ZNF385D: variants seen among roughly 807,000 people sequenced by gnomAD.
The protein encoded by ZNF385D is zinc finger protein 659.
ZNF385D carries 15 observed loss-of-function variants against 35.8 expected under a neutral mutation model. The ratio of observed to expected loss-of-function variants is 0.42; its 90% CI spans 0.28 to 0.64. The LOEUF is 0.64. ZNF385D is among the 30% of genes least tolerant of loss of function. The pLI, the probability that ZNF385D is intolerant of heterozygous loss-of-function variation, is 0.23. For synonymous variants in ZNF385D, 212 were observed against 186.8 expected, an observed-to-expected ratio of 1.13 and a Z score of -1.10; for missense variants, 474 against 494.6, an observed-to-expected ratio of 0.96 and a Z score of 0.39.
intron 3 of ZNF385D, chr3:22,133,696 A>T (rs533178364): frequency 1.4e-4 from 22 of 152,206 alleles, no homozygotes; most frequent in African/African-American, 4.3e-4. Context: ...AACTATCAGA[A>T]GACTCTGAAA....
At chr3:21,947,993 C>CT (rs762315151) in intron 3 of ZNF385D, among the ~76,000 whole-genome samples, 2 of 152,072 alleles carry the variant, frequency 1.3e-5, no homozygotes, top group African/African-American at 4.8e-5. Context: ...AAAACCCACT[C>CT]TTTATTCATT....
intron 2 of ZNF385D, among the ~76,000 whole-genome samples, chr3:21,597,250 G>C (rs1309469032): frequency 2.6e-5 from 4 of 151,702 alleles, no homozygotes; most frequent in South Asian, 4.2e-4. Flanking sequence ...TTTTCAAGTA[G>C]TATTATCATG....
chr3:21,826,040 C>T (rs899230976), intron 3 of ZNF385D, among the ~76,000 whole-genome samples: 1 of 152,114 alleles, frequency 6.6e-6, no homozygotes, highest in African/African-American at 2.4e-5. Context: ...TCCCCTCAAC[C>T]CCCCACCAGT....
intron 2 of ZNF385D, among the ~76,000 whole-genome samples, chr3:22,262,077 A>G (rs1322344031): frequency 2.0e-5 from 3 of 151,978 alleles, no homozygotes; most frequent in Non-Finnish European, 2.9e-5. Flanking sequence ...ATTCTAAAGC[A>G]TTTCATAAAT....
At chr3:21,938,869 A>T (rs991688946) in intron 3 of ZNF385D, among the ~76,000 whole-genome samples, 2 of 152,084 alleles carry the variant, frequency 1.3e-5, no homozygotes, top group Admixed American at 1.3e-4. Flanking sequence ...CTTTTACTTT[A>T]ATTTTATTCG....
chr3:21,800,987 C>G (rs984451862), intron 3 of ZNF385D, among the ~76,000 whole-genome samples: 4 of 152,082 alleles, frequency 2.6e-5, no homozygotes, highest in Non-Finnish European at 4.4e-5. Flanking sequence ...GTGAGTTTTT[C>G]TTAAATGCCC....
chr3:22,113,336 T>C (rs1702637682), intron 3 of ZNF385D, among the ~76,000 whole-genome samples: 1 of 152,166 alleles, frequency 6.6e-6, no homozygotes, highest in East Asian at 1.9e-4. Context: ...TTAGGAAAGG[T>C]TCCAGTACCT....
In ZNF385D at chr3:22,095,869, C is replaced by T. The variant is rs191682726; in HGVS notation, c.325+72948G>A. Among the ~76,000 whole-genome samples the T allele has an allele frequency of 3.7e-3, 558 of 150,722 alleles. 2 individuals are homozygous for T. The highest frequency in any genetic ancestry group is 6.9e-3 in the Non-Finnish European group (470 of 67,656). On this transcript the variant is annotated intron_variant, in intron 3 of 5. Coordinates refer to the ZNF385D transcript ENST00000494108. ...TTTTAATTCAACATATATATATATACTATGCTTAAAAATTCTTGTATCATG... is the reference window on the plus strand; with the variant it reads ...TTTTAATTCAACATATATATATATATTATGCTTAAAAATTCTTGTATCATG...
chr3:21,892,292 G>A (rs142812317), intron 3 of ZNF385D, among the ~76,000 whole-genome samples: 217 of 152,274 alleles, frequency 1.4e-3, no homozygotes, highest in African/African-American at 5.2e-3. Flanking sequence ...GCGCTACAGT[G>A]CCAGGAATAT....
chr3:21,815,492 G>T (rs187619001), intron 3 of ZNF385D, among the ~76,000 whole-genome samples: 1 of 152,154 alleles, frequency 6.6e-6, no homozygotes, highest in Non-Finnish European at 1.5e-5. Flanking sequence ...AAATGATAAA[G>T]GGGATATCAC....
intron 4 of ZNF385D, among the ~76,000 whole-genome samples, chr3:21,501,138 C>T (rs1283205223): frequency 6.6e-6 from 1 of 152,170 alleles, no homozygotes; most frequent in Non-Finnish European, 1.5e-5. Flanking sequence ...ACCGCTTCCT[C>T]CAGCCTCTAT....
At chr3:22,146,481 T>G (rs1352160297) in intron 3 of ZNF385D, among the ~76,000 whole-genome samples, 2 of 152,186 alleles carry the variant, frequency 1.3e-5, no homozygotes, top group African/African-American at 4.8e-5. Context: ...ACTGAACATT[T>G]GAAGTAATAT....
intron 1 of ZNF385D, among the ~76,000 whole-genome samples, chr3:21,719,671 T>G (rs956386914): frequency 6.6e-6 from 1 of 152,134 alleles, no homozygotes. Context: ...TTCCACCCCC[T>G]CATGAATAAT....
intron 3 of ZNF385D, among the ~76,000 whole-genome samples, chr3:22,164,497 G>T (rs1157064325): frequency 2.0e-5 from 3 of 151,638 alleles, no homozygotes; most frequent in Admixed American, 2.0e-4. Context: ...AAAGTGCTAG[G>T]ATTACAGGCA....
intron 2 of ZNF385D, among the ~76,000 whole-genome samples, chr3:22,189,177 C>G (rs936979513): frequency 6.6e-6 from 1 of 152,138 alleles, no homozygotes; most frequent in African/African-American, 2.4e-5. Context: ...AAGGTCATCC[C>G]TGACTTCTTA....
intron 2 of ZNF385D, among the ~76,000 whole-genome samples, chr3:21,662,747 A>G (rs765337101): frequency 6.6e-6 from 1 of 152,222 alleles, no homozygotes; most frequent in Admixed American, 6.5e-5. Flanking sequence ...AGTAGAATAA[A>G]TATCAACACA....
chr3:22,349,984 C>T (rs922100970), intron 2 of ZNF385D, among the ~76,000 whole-genome samples: 6 of 152,008 alleles, frequency 3.9e-5, no homozygotes, highest in Non-Finnish European at 8.8e-5. Flanking sequence ...GTGAAATAAA[C>T]CTTGGCTATG....
intron 2 of ZNF385D, among the ~76,000 whole-genome samples, chr3:22,273,950 G>T (rs1009707117): frequency 3.9e-5 from 6 of 151,916 alleles, no homozygotes; most frequent in Admixed American, 1.3e-4. Context: ...GAGAGATGTT[G>T]GATACCATTA....
At chr3:22,141,597 T>C (rs1210208984) in intron 3 of ZNF385D, among the ~76,000 whole-genome samples, 8 of 152,138 alleles carry the variant, frequency 5.3e-5, no homozygotes, top group African/African-American at 9.7e-5. Flanking sequence ...GGACCCGCGG[T>C]AGTTCACTGG....
Sources: gnomAD v4.1 joint callset for allele counts (sites outside exome capture counted in the v4.1 genomes callset) on GRCh38, gnomAD v4.1.1 for gene constraint, MANE v1.5 for transcripts, NCBI Gene and HGNC (gene_info 2026-07-23, HGNC 2026-07-21) for gene names.